The following PCDHA7 variants were observed in gnomAD, a reference collection of about 807,000 sequenced individuals.
The protein encoded by PCDHA7 is protocadherin alpha 7, also known as protocadherin alpha-7.
Under a neutral mutation model 57.2 loss-of-function variants are expected in PCDHA7, and 37 were observed. That is an observed-to-expected ratio of 0.65 (90% CI 0.50 to 0.85). PCDHA7 has a LOEUF of 0.85. PCDHA7 is among the 40% of genes least tolerant of loss of function. PCDHA7 has a pLI of 0.00. For missense variants in PCDHA7, 1,188 were observed against 1,241.8 expected (o/e 0.96, Z 0.65); for synonymous variants, 553 against 558.8 (o/e 0.99, Z 0.15).
At chr5:140,952,972 A>G (rs1206326487) in intron 1 of PCDHA7, among the ~76,000 whole-genome samples, 1 of 152,074 alleles carries the variant, frequency 6.6e-6, no homozygotes, top group Non-Finnish European at 1.5e-5. Context: ...CACACTTTTA[A>G]ACAACAAGAT....
chr5:141,009,258 C>A (rs1311772308), intron 3 of PCDHA7, among the ~76,000 whole-genome samples: 1 of 152,086 alleles, frequency 6.6e-6, no homozygotes, highest in Admixed American at 6.6e-5. Flanking sequence ...TGTTTGAGAC[C>A]AGCCTGGGCA....
intron 1 of PCDHA7, chr5:140,968,816 G>A: frequency 6.2e-7 from 1 of 1,614,144 alleles, no homozygotes. Context: ...GGTGGATAGG[G>A]TTTCCAAAAT....
At chr5:140,856,865 A>G in intron 1 of PCDHA7, 2 of 1,595,810 alleles carry the variant, frequency 1.3e-6, no homozygotes, top group African/African-American at 1.3e-5. Context: ...TGAAGGAATA[A>G]ACAAGGAAAT....
intron 1 of PCDHA7, among the ~76,000 whole-genome samples, chr5:140,902,149 G>T (rs1471758440): frequency 6.8e-6 from 1 of 147,458 alleles, no homozygotes; most frequent in African/African-American, 2.5e-5. Flanking sequence ...AGGATAATTT[G>T]ATTTCTTCCT....
intron 1 of PCDHA7, chr5:140,967,330 C>G: frequency 6.2e-7 from 1 of 1,608,074 alleles, no homozygotes; most frequent in South Asian, 1.1e-5. Context: ...ACGAGCTCAG[C>G]CCCAGCGAGC....
At chr5:140,848,150 A>AG (rs1781344114) in intron 1 of PCDHA7, 1 of 209,114 alleles carries the variant, frequency 4.8e-6, no homozygotes, top group South Asian at 1.1e-4. Flanking sequence ...AGAGGCAGTC[A>AG]GTCTGCTAAG....
At chr5:140,875,740 A>G (rs377133743) in intron 1 of PCDHA7, 14 of 1,614,104 alleles carry the variant, frequency 8.7e-6, no homozygotes, top group Non-Finnish European at 1.2e-5. Context: ...GAATTCTCGG[A>G]TCGACCGCGA....
intron 1 of PCDHA7, chr5:140,966,517 A>T (rs1285058359): frequency 4.6e-6 from 2 of 435,352 alleles, no homozygotes; most frequent in Non-Finnish European, 8.0e-6. Context: ...CAGCAGCAGG[A>T]AGCCGAGCCG....
At chr5:140,967,593 T>C (rs2096161783) in intron 1 of PCDHA7, 2 of 1,614,078 alleles carry the variant, frequency 1.2e-6, no homozygotes, top group Non-Finnish European at 1.7e-6. Context: ...GGCACATTGG[T>C]GGTGAAGCTG....
At chr5:140,895,968 G>A (rs190056652) in intron 1 of PCDHA7, among the ~76,000 whole-genome samples, 2 of 151,938 alleles carry the variant, frequency 1.3e-5, no homozygotes, top group African/African-American at 2.4e-5. Context: ...CTGTCACCAG[G>A]CCTAGCTAAT....
intron 1 of PCDHA7, chr5:140,852,499 A>G: frequency 3.9e-6 from 1 of 258,480 alleles, no homozygotes; most frequent in Non-Finnish European, 6.5e-6. Context: ...GTTGGTCTCG[A>G]ACTCCTGACC....
At chr5:140,952,111 G>A (rs1040553968) in intron 1 of PCDHA7, among the ~76,000 whole-genome samples, 1 of 152,086 alleles carries the variant, frequency 6.6e-6, no homozygotes, top group Non-Finnish European at 1.5e-5. Context: ...ACTCGTGTGA[G>A]GGATGGGCTC....
chr5:140,978,680 T>C (rs2096816388), intron 1 of PCDHA7, among the ~76,000 whole-genome samples: 1 of 152,240 alleles, frequency 6.6e-6, no homozygotes, highest in Non-Finnish European at 1.5e-5. Context: ...CAGACATGTA[T>C]TGGGCAAGGC....
chr5:140,874,485 T>C (rs1235889322), intron 1 of PCDHA7, among the ~76,000 whole-genome samples: 1 of 152,218 alleles, frequency 6.6e-6, no homozygotes, highest in Non-Finnish European at 1.5e-5. Flanking sequence ...AAGCAAAAGG[T>C]TGATATCAAG....
At chr5:140,891,849 C>G (rs1446447359) in intron 1 of PCDHA7, among the ~76,000 whole-genome samples, 2 of 152,262 alleles carry the variant, frequency 1.3e-5, no homozygotes, top group African/African-American at 4.8e-5. Context: ...TGGAAGGAGC[C>G]TGTCCCTCTC....
intron 1 of PCDHA7, among the ~76,000 whole-genome samples, chr5:140,941,198 T>TCTTCCTTTCTTC (rs1563184149): frequency 4.2e-5 from 5 of 119,808 alleles, no homozygotes; most frequent in African/African-American, 1.0e-4. Context: ...TTTTTTTCTT[T>TCTTCCTTTCTTC]CTTCCTTTCT....
intron 1 of PCDHA7, chr5:140,966,863 C>T: frequency 6.4e-7 from 1 of 1,562,680 alleles, no homozygotes; most frequent in East Asian, 2.3e-5. Flanking sequence ...GCTGCTGTTG[C>T]TGCTGCTGCT....
chr5:140,968,276 G>A, intron 1 of PCDHA7: 1 of 1,614,070 alleles, frequency 6.2e-7, no homozygotes, highest in South Asian at 1.1e-5. Context: ...GAATGCAGAG[G>A]TGACCTACTC....
chr5:140,924,704 G>A (rs6883852), intron 1 of PCDHA7, among the ~76,000 whole-genome samples: 1 of 152,052 alleles, frequency 6.6e-6, no homozygotes, highest in Non-Finnish European at 1.5e-5. Flanking sequence ...AGACCAGCTT[G>A]TGCAACATGG....
Sources: gnomAD v4.1 joint callset for allele counts (sites outside exome capture counted in the v4.1 genomes callset) on GRCh38, gnomAD v4.1.1 for gene constraint, MANE v1.5 for transcripts, NCBI Gene and HGNC (gene_info 2026-07-23, HGNC 2026-07-21) for gene names.